AMPH: variants seen among roughly 807,000 people sequenced by gnomAD.
The protein encoded by AMPH is amphiphysin (Stiff-Mann syndrome with breast cancer 128kD autoantigen).
In AMPH, 49 loss-of-function variants were observed where a neutral mutation model predicts 99.1. That is an observed-to-expected ratio of 0.49 (90% CI 0.39 to 0.63). AMPH has a LOEUF of 0.63. Among genes scored for constraint, AMPH ranks in the 20% least tolerant of loss-of-function variants. AMPH has a pLI of 0.00. For synonymous variants in AMPH, 314 were observed against 317.3 expected, an observed-to-expected ratio of 0.99 and a Z score of 0.11; for missense variants, 759 against 863.4, an observed-to-expected ratio of 0.88 and a Z score of 1.52.
chr7:38,467,256 C>A (rs944872733), intron 7 of AMPH, among the ~76,000 whole-genome samples: 2 of 152,028 alleles, frequency 1.3e-5, no homozygotes, highest in Non-Finnish European at 2.9e-5. Context: ...AGTGGGCAAA[C>A]CCTAGATGTG....
rs1562721104 is a variant in AMPH, at chr7:38,391,003, GAGAGAGAGAGA to G, written c.1878+734_1878+744del. ...AGAGAGAGAGAGAGAGAGAGAGAGA[GAGAGAGAGAGA>G]GAATGATACAACATTTTACACTTTA... On this transcript the variant is annotated intron_variant, in intron 19 of 20. Coordinates refer to ENST00000356264, the MANE Select transcript of AMPH (RefSeq NM_001635.4). Among the ~76,000 whole-genome samples the G allele has an allele frequency of 4.4e-3, 232 of 52,216 alleles. 2 individuals are homozygous for G. The highest frequency in any genetic ancestry group is 0.011 in the Admixed American group (45 of 3,932). The allele number at this position is 52,216 out of a possible 152,430, so 34.3% of individuals were successfully genotyped here.
chr7:38,609,405 C>T (rs1461395190), intron 1 of AMPH, among the ~76,000 whole-genome samples: 1 of 152,132 alleles, frequency 6.6e-6, no homozygotes, highest in Non-Finnish European at 1.5e-5. Flanking sequence ...CCTAGAAATC[C>T]TCCTGCCCAA....
intron 17 of AMPH, among the ~76,000 whole-genome samples, chr7:38,407,020 T>TCC: frequency 1.2e-4 from 1 of 8,042 alleles, no homozygotes; most frequent in Non-Finnish European, 2.4e-4. Context: ...CCTAATAGAC[T>TCC]CCTCTCTCTC....
At chr7:38,554,096 G>C (rs1791280083) in intron 1 of AMPH, among the ~76,000 whole-genome samples, 1 of 152,166 alleles carries the variant, frequency 6.6e-6, no homozygotes, top group South Asian at 2.1e-4. Context: ...GCCTGGCTGG[G>C]ACTAGCTTCC....
chr7:38,412,691 A>C (rs892802119), intron 17 of AMPH, among the ~76,000 whole-genome samples: 1 of 152,186 alleles, frequency 6.6e-6, no homozygotes, highest in African/African-American at 2.4e-5. Flanking sequence ...ATCTAGGTTC[A>C]GTTACTTGTA....
In AMPH at chr7:38,494,023, C is replaced by A. The variant is rs183026397; in HGVS notation, c.300+410G>T. On this transcript the variant is annotated intron_variant, in intron 4 of 20. Transcript: ENST00000356264. ...CCAGGCTGGAGTACAGTGGTGCGAT[C>A]TTGGCTCACTGCAACCTCCACCTCC... Among the ~76,000 whole-genome samples the A allele has an allele frequency of 3.5e-4, 54 of 152,274 alleles. 1 individual carries two copies. In the East Asian group the frequency reaches 9.9e-3, roughly 28 times the overall value.
intron 17 of AMPH, among the ~76,000 whole-genome samples, chr7:38,401,381 A>T (rs1218518871): frequency 6.6e-6 from 1 of 152,232 alleles, no homozygotes; most frequent in Non-Finnish European, 1.5e-5. Flanking sequence ...GATCCTCAAT[A>T]GACATGTCAC....
chr7:38,571,318 TA>T (rs1170738845), intron 1 of AMPH, among the ~76,000 whole-genome samples: 2 of 87,748 alleles, frequency 2.3e-5, no homozygotes, highest in South Asian at 3.3e-4. Context: ...TATTTATATA[TA>T]GAATATATAT....
chr7:38,417,701 C>T, intron 17 of AMPH, 124 bp downstream of exon 17: 1 of 1,276,394 alleles, frequency 7.8e-7, no homozygotes, highest in Non-Finnish European at 1.1e-6. Context: ...AACCTGGGAG[C>T]TACGACAGAT....
chr7:38,425,755 C>A (rs1785760205), intron 15 of AMPH, among the ~76,000 whole-genome samples: 1 of 152,060 alleles, frequency 6.6e-6, no homozygotes, highest in Non-Finnish European at 1.5e-5. Flanking sequence ...AACCCATGCA[C>A]ACATATAGGG....
intron 1 of AMPH, among the ~76,000 whole-genome samples, chr7:38,539,209 G>T (rs1048027440): frequency 3.3e-5 from 5 of 152,164 alleles, no homozygotes; most frequent in African/African-American, 1.2e-4. Context: ...AAAACCAAAA[G>T]CCCTGAAAGT....
rs1426009053 is a variant in AMPH at position 38,384,744 on chromosome 7, A to G, written c.*74T>C. The stretch of plus-strand genomic sequence containing the variant: ...GTAAATCATTAAGAGCATAATAACA[A>G]AAGTGAACTCTTCAGGTTTTCATGA... On this transcript the variant is annotated 3_prime_UTR_variant, in exon 21 of 21. Coordinates refer to ENST00000356264, the MANE Select transcript of AMPH (RefSeq NM_001635.4). The G allele has an allele frequency of 4.8e-6, 6 of 1,253,990 alleles. No individual in the cohort carries two copies. The highest frequency in any genetic ancestry group is 2.3e-5 in the East Asian group (1 of 42,610). The allele number at this position is 1,253,990 out of a possible 1,614,324, so 77.7% of individuals were successfully genotyped here. A position where few individuals can be genotyped will look rare whatever the true frequency, so the allele number is the denominator to read the frequency against.
In AMPH at chr7:38,503,503, T is replaced by C. The variant is rs10225047; in HGVS notation, c.205+147A>G. The C allele has an allele frequency of 2.2e-4, 105 of 485,304 alleles. 3 individuals carry two copies. The highest frequency in any genetic ancestry group is 3.7e-4 in the African/African-American group (17 of 46,238). The allele number at this position is 485,304 out of a possible 1,614,324, so 30.1% of individuals were successfully genotyped here. On this transcript the variant is annotated intron_variant, in intron 3 of 20. Coordinates refer to ENST00000356264, the MANE Select transcript of AMPH (RefSeq NM_001635.4). The stretch of plus-strand genomic sequence containing the variant: ...TCAATGGGAATTTGGGGCGGGGGGG[T>C]GGGTGGTGGAATGGAACACCTGTGT...
chr7:38,391,115 A>G (rs1028219593), intron 19 of AMPH, among the ~76,000 whole-genome samples: 5 of 152,232 alleles, frequency 3.3e-5, no homozygotes, highest in African/African-American at 1.2e-4. Context: ...CTATCAGGAA[A>G]CATCTGAGAC....
intron 1 of AMPH, among the ~76,000 whole-genome samples, chr7:38,612,087 CTTTTTT>C (rs56111676): frequency 1.3e-4 from 13 of 97,388 alleles, no homozygotes; most frequent in African/African-American, 4.3e-4. Flanking sequence ...TTGTCTTCTT[CTTTTTT>C]TTTTTTTTTT....
chr7:38,458,943 T>C (rs931897594), intron 11 of AMPH, among the ~76,000 whole-genome samples: 1 of 152,098 alleles, frequency 6.6e-6, no homozygotes, highest in Non-Finnish European at 1.5e-5. Flanking sequence ...TCTTTGCTGA[T>C]AGTATGACCT....
rs1340861928 is a variant in AMPH at position 38,631,332 on chromosome 7, C to A, written c.20G>T (p.Gly7Val). 2.6e-6 allele frequency: 4 copies of A among 1,555,942 alleles called. No homozygotes were observed. The highest frequency in any genetic ancestry group is 2.5e-5 in the East Asian group (1 of 40,392). ...CTTCTGGACGTTCTTGGCGAAGATG[C>A]CCGTCTTGATGTCGGCCATGGCTGC... MADIKT[G>V]IFAKNVQKRL... The change falls in exon 1 of 21, where the codon GGC (glycine) becomes GTC (valine). Residue 7 changes from glycine (G) to valine (V), a missense_variant. This residue lies in a region of AMPH where 205 missense variants were observed against 287.9 expected (regional missense o/e 0.71). Transcript: ENST00000356264.
At chr7:38,415,505 G>T (rs1785350619) in intron 17 of AMPH, among the ~76,000 whole-genome samples, 1 of 152,126 alleles carries the variant, frequency 6.6e-6, no homozygotes, top group African/African-American at 2.4e-5. Context: ...TTTCTCCAGA[G>T]AAATATAACC....
At chr7:38,607,611 C>G (rs1336321026) in intron 1 of AMPH, among the ~76,000 whole-genome samples, 1 of 152,138 alleles carries the variant, frequency 6.6e-6, no homozygotes, top group African/African-American at 2.4e-5. Context: ...GGAAAAGAAA[C>G]CAAGAGGCTC....
Sources: gnomAD v4.1 joint callset for allele counts (sites outside exome capture counted in the v4.1 genomes callset) on GRCh38, gnomAD v4.1.1 for gene constraint, gnomAD v4.1.1 regional missense constraint, MANE v1.5 for transcripts, NCBI Gene and HGNC (gene_info 2026-07-23, HGNC 2026-07-21) for gene names.